Variants in SDCCAG8 observed in about 807,000 individuals in gnomAD.
SDCCAG8 encodes the protein serologically defined colon cancer antigen 8.
In SDCCAG8, 74 loss-of-function variants were observed where a neutral mutation model predicts 101.8. That is an observed-to-expected ratio of 0.73 (90% CI 0.60 to 0.88). The LOEUF (loss-of-function observed/expected upper bound fraction) is 0.88. Among genes scored for constraint, SDCCAG8 ranks in the 40% least tolerant of loss-of-function variants. The pLI, the probability that SDCCAG8 is intolerant of heterozygous loss-of-function variation, is 0.00. For missense variants in SDCCAG8, 787 were observed against 822.6 expected, an observed-to-expected ratio of 0.96 and a Z score of 0.53; for synonymous variants, 281 against 292.9, an observed-to-expected ratio of 0.96 and a Z score of 0.41.
chr1:243,494,694 G>T (rs1489981616), intron 17 of SDCCAG8, among the ~76,000 whole-genome samples: 1 of 152,214 alleles, frequency 6.6e-6, no homozygotes, highest in Non-Finnish European at 1.5e-5. Flanking sequence ...TGGGAGAAAA[G>T]TCAATTGAAT....
In SDCCAG8 at chr1:243,293,131, C is replaced by A. The variant is rs1279083657; in HGVS notation, c.587C>A (p.Ser196Tyr). Reference protein sequence around the residue: ...HNSWITTGEDSGVGETSKRPF... With the variant: ...HNSWITTGEDYGVGETSKRPF... ...TCTTGGATTACAACAGGTGAAGATT[C>A]TGGGGTGGGCGAAACCTCCAAAAGA... Residue 196 changes from serine to tyrosine, a missense_variant, in exon 6 of 18, where the codon TCT becomes TAT. By Grantham distance (144) the Ser-to-Tyr change is moderately radical. Transcript: ENST00000366541. The A allele has an allele frequency of 6.2e-7, 1 of 1,613,974 alleles. No individual in the cohort carries two copies. Among genetic ancestry groups the A allele is most frequent in the African/African-American group, 1.3e-5 (1 of 74,898 alleles).
chr1:243,455,156 C>G (rs920543528), intron 16 of SDCCAG8, among the ~76,000 whole-genome samples: 1 of 152,052 alleles, frequency 6.6e-6, no homozygotes, highest in African/African-American at 2.4e-5. Context: ...GAAATGAAAA[C>G]TTTTGAAAGC....
At chr1:243,333,397 C>T (rs1026858686) in intron 10 of SDCCAG8, among the ~76,000 whole-genome samples, 1 of 152,224 alleles carries the variant, frequency 6.6e-6, no homozygotes, top group Non-Finnish European at 1.5e-5. Context: ...CAGTACCCCA[C>T]ACCCATTACA....
At chr1:243,470,978 T>C (rs1661141453) in intron 16 of SDCCAG8, among the ~76,000 whole-genome samples, 1 of 152,114 alleles carries the variant, frequency 6.6e-6, no homozygotes, top group African/African-American at 2.4e-5. Context: ...TAGTTGTTGT[T>C]GTTAGAGTGC....
At chr1:243,309,105 C>T (rs543571300) in intron 8 of SDCCAG8, among the ~76,000 whole-genome samples, 1 of 152,256 alleles carries the variant, frequency 6.6e-6, no homozygotes, top group African/African-American at 2.4e-5. Context: ...CTGGCATCTT[C>T]TGTTGTTTGG....
At position 243,266,305 on chromosome 1, in the gene SDCCAG8, AT is replaced by A. The variant is rs551936624; in HGVS notation, c.68-3791del. On this transcript the variant is annotated intron_variant, in intron 1 of 17. Coordinates refer to ENST00000366541, the MANE Select transcript of SDCCAG8 (RefSeq NM_006642.5). Reference sequence around the variant, plus strand: ...TTTTGTACCCTTTGACCATCACTGAATTTTTTTTTCTTTTTCTTTTTTTTTT... The same window carrying A: ...TTTTGTACCCTTTGACCATCACTGAATTTTTTTTCTTTTTCTTTTTTTTTT... Among the ~76,000 whole-genome samples the A allele has an allele frequency of 6.0e-5, 9 of 150,386 alleles. No homozygotes were observed. The South Asian group carries it at 1.0e-3, about 18-fold the overall frequency.
At chr1:243,297,292 G>A (rs72759804) in intron 6 of SDCCAG8, among the ~76,000 whole-genome samples, 6 of 152,268 alleles carry the variant, frequency 3.9e-5, no homozygotes, top group African/African-American at 1.4e-4. Flanking sequence ...TCTTTGGTGG[G>A]TCTGCTATAT....
intron 16 of SDCCAG8, among the ~76,000 whole-genome samples, chr1:243,453,136 G>A (rs1296644616): frequency 6.6e-6 from 1 of 152,204 alleles, no homozygotes; most frequent in East Asian, 1.9e-4. Context: ...ATATCATGAT[G>A]TTATTGGAGG....
rs572605563 is a variant in SDCCAG8, at chr1:243,303,601, A to G, written c.676-1112A>G. The stretch of plus-strand genomic sequence containing the variant: ...CGCTTCCATTTAATGAGTAGAAAAT[A>G]CTATTTTCTTTTCCTTATGATTTTC... On this transcript the variant is annotated intron_variant, in intron 6 of 17. Coordinates refer to ENST00000366541, the MANE Select transcript of SDCCAG8 (RefSeq NM_006642.5). Among the ~76,000 whole-genome samples, 24 of 152,180 alleles carry G rather than the reference A, an allele frequency of 1.6e-4. No homozygotes were observed. The South Asian group carries it at 5.0e-3, about 32-fold the overall frequency.
chr1:243,334,158 GTC>G, intron 10 of SDCCAG8, among the ~76,000 whole-genome samples: 1 of 152,120 alleles, frequency 6.6e-6, no homozygotes, highest in South Asian at 2.1e-4. Flanking sequence ...ACATTGCCTT[GTC>G]TCTCTATCCT....
At chr1:243,499,366 T>G (rs12134270) in intron 17 of SDCCAG8, among the ~76,000 whole-genome samples, 30,191 of 152,192 alleles carry the variant, frequency 0.2, 3,128 homozygotes, top group East Asian at 0.28. Context: ...ACCCTGTTTT[T>G]GTTCTAGAAT....
At chr1:243,444,175 A>G (rs2082735391) in intron 16 of SDCCAG8, among the ~76,000 whole-genome samples, 1 of 152,162 alleles carries the variant, frequency 6.6e-6, no homozygotes, top group Non-Finnish European at 1.5e-5. Context: ...CACCATTTTA[A>G]TTAATAATTA....
chr1:243,326,523 T>C (rs1425906705), intron 9 of SDCCAG8, among the ~76,000 whole-genome samples: 11 of 152,212 alleles, frequency 7.2e-5, no homozygotes, highest in Non-Finnish European at 1.5e-4. Flanking sequence ...AAAAGAAGTG[T>C]AAATATCTTG....
chr1:243,378,825 A>T lies in SDCCAG8; in HGVS notation c.1578A>T (p.Glu526Asp). 1.2e-6 allele frequency: 2 copies of T among 1,614,102 alleles called. No individual in the cohort carries two copies. The highest frequency in any genetic ancestry group is 1.7e-6 in the Non-Finnish European group (2 of 1,179,980). Residue 526 changes from glutamate (E) to aspartate (D), a missense_variant, in exon 13 of 18, where the codon GAA becomes GAT. Transcript: ENST00000366541. Reference sequence around the variant, plus strand: ...GAGAGGAGTGCCTGAGACTAACAGAACTGCTGGGCGAATCTGAGCACCAAC... The same window carrying T: ...GAGAGGAGTGCCTGAGACTAACAGATCTGCTGGGCGAATCTGAGCACCAAC... ...LAREECLRLT[E>D]LLGESEHQLH... is the part of the protein sequence containing the mutation.
intron 16 of SDCCAG8, among the ~76,000 whole-genome samples, chr1:243,441,828 T>C (rs1288061293): frequency 6.6e-6 from 1 of 152,210 alleles, no homozygotes; most frequent in Non-Finnish European, 1.5e-5. Flanking sequence ...TGAATGTTGT[T>C]ATAGAAAGAA....
intron 13 of SDCCAG8, among the ~76,000 whole-genome samples, chr1:243,408,166 CG>C (rs1360636882): frequency 6.6e-6 from 1 of 152,100 alleles, no homozygotes; most frequent in Non-Finnish European, 1.5e-5. Context: ...TAGTACTTTC[CG>C]TCTTTTAGTA....
chr1:243,262,719 T>C (rs947963389), intron 1 of SDCCAG8, among the ~76,000 whole-genome samples: 3 of 152,210 alleles, frequency 2.0e-5, no homozygotes, highest in African/African-American at 7.2e-5. Flanking sequence ...CTGGGATGTT[T>C]AAAGACTTAT....
At chr1:243,293,367 GTCAC>G (rs1281857747) in intron 6 of SDCCAG8, 148 bp downstream of exon 6, 1 of 825,740 alleles carries the variant, frequency 1.2e-6, no homozygotes, top group African/African-American at 1.7e-5. Context: ...GTACATTCAT[GTCAC>G]TCAATCATAA....
chr1:243,310,503 A>T (rs1345586527), intron 8 of SDCCAG8, among the ~76,000 whole-genome samples: 3 of 152,280 alleles, frequency 2.0e-5, no homozygotes, highest in African/African-American at 7.2e-5. Flanking sequence ...AAATAAATTC[A>T]TGGTAGTTTA....
Sources: gnomAD v4.1 joint callset for allele counts (sites outside exome capture counted in the v4.1 genomes callset) on GRCh38, gnomAD v4.1.1 for gene constraint, MANE v1.5 for transcripts, NCBI Gene and HGNC (gene_info 2026-07-23, HGNC 2026-07-21) for gene names.